GNAQ: variants seen among roughly 807,000 people sequenced by gnomAD.
GNAQ encodes G protein subunit alpha q.
Under a neutral mutation model 43.9 loss-of-function variants are expected in GNAQ, and 8 were observed. That is an observed-to-expected ratio of 0.18 (90% CI 0.11 to 0.33). The LOEUF (loss-of-function observed/expected upper bound fraction) is 0.33, where lower values mean the gene tolerates loss of function less well. Among genes scored for constraint, GNAQ ranks in the 10% least tolerant of loss-of-function variants. GNAQ has a pLI of 1.00. For synonymous variants in GNAQ, 155 were observed against 170.7 expected (o/e 0.91, Z 0.71); for missense variants, 158 against 450.8 (o/e 0.35, Z 5.88).
chr9:77,861,754 A>G (rs894787214), intron 2 of GNAQ, among the ~76,000 whole-genome samples: 1 of 152,028 alleles, frequency 6.6e-6, no homozygotes, highest in African/African-American at 2.4e-5. Flanking sequence ...TATAATCCCC[A>G]CACTTTGGGA....
rs369454028 is a variant in GNAQ, at chr9:77,828,342, G to C, written c.322-12572C>G. 9.0e-4 allele frequency among the ~76,000 whole-genome samples: 137 copies of C among 152,254 alleles called. 1 individual carries two copies. In the South Asian group the frequency reaches 0.018, roughly 20 times the overall value. ...AATTTTAATCAGAAACAATCTGAGT[G>C]TGTTGCCAGTAGACACTGCACAGGA... On this transcript the variant is annotated intron_variant, in intron 2 of 6. Coordinates refer to ENST00000286548, the MANE Select transcript of GNAQ (RefSeq NM_002072.5).
At chr9:77,829,364 A>C (rs1297728974) in intron 2 of GNAQ, among the ~76,000 whole-genome samples, 1 of 152,184 alleles carries the variant, frequency 6.6e-6, no homozygotes, top group Non-Finnish European at 1.5e-5. Flanking sequence ...GCAGCCAAGT[A>C]ATAATTCCTG....
chr9:77,754,663 T>G lies in GNAQ; in HGVS notation c.736-25996A>C, dbSNP rs372089959. On this transcript the variant is annotated intron_variant, in intron 5 of 6. Coordinates refer to ENST00000286548, the MANE Select transcript of GNAQ (RefSeq NM_002072.5). ...CACAGGAGCTGGGGATCAAGAGGAG[T>G]CATTAATAGGAAAGATGGTTCCAAG... Among the ~76,000 whole-genome samples the G allele has an allele frequency of 2.6e-4, 40 of 151,984 alleles. 1 individual carries two copies. Among genetic ancestry groups the G allele is most frequent in the South Asian group, 1.9e-3 (9 of 4,806 alleles).
chr9:77,733,815 A>G (rs544663800), intron 5 of GNAQ, among the ~76,000 whole-genome samples: 1 of 152,300 alleles, frequency 6.6e-6, no homozygotes, highest in South Asian at 2.1e-4. Context: ...GGTGACACAG[A>G]AGGAAAGGTT....
intron 1 of GNAQ, among the ~76,000 whole-genome samples, chr9:78,004,895 A>G (rs4745687): frequency 0.31 from 46,858 of 151,672 alleles, 7,537 homozygotes; most frequent in South Asian, 0.45. Flanking sequence ...TAGTGTCCTC[A>G]TTTGGCTAAA....
At chr9:78,010,688 A>T (rs2118579360) in intron 1 of GNAQ, among the ~76,000 whole-genome samples, 1 of 152,278 alleles carries the variant, frequency 6.6e-6, no homozygotes, top group Admixed American at 6.5e-5. Context: ...AAGAAAAAAA[A>T]TGTAGAAAGA....
chr9:77,884,503 A>T (rs899155917), intron 2 of GNAQ, among the ~76,000 whole-genome samples: 1 of 152,216 alleles, frequency 6.6e-6, no homozygotes, highest in Non-Finnish European at 1.5e-5. Context: ...CAAAAGTGCG[A>T]CTTCCCATAA....
At chr9:77,983,697 C>T (rs1279629650) in intron 1 of GNAQ, among the ~76,000 whole-genome samples, 2 of 152,096 alleles carry the variant, frequency 1.3e-5, no homozygotes, top group African/African-American at 4.8e-5. Context: ...TATGGAAACA[C>T]AGAAAAGTAT....
chr9:77,779,881 A>C (rs1006714526), intron 5 of GNAQ, among the ~76,000 whole-genome samples: 4 of 151,866 alleles, frequency 2.6e-5, no homozygotes, highest in African/African-American at 9.7e-5. Flanking sequence ...TAAAACAGAC[A>C]ATCTGAATAG....
intron 2 of GNAQ, among the ~76,000 whole-genome samples, chr9:77,909,159 C>T (rs2118200945): frequency 6.6e-6 from 1 of 152,238 alleles, no homozygotes; most frequent in South Asian, 2.1e-4. Flanking sequence ...CTGATACACG[C>T]CACCCACAAA....
intron 2 of GNAQ, among the ~76,000 whole-genome samples, chr9:77,826,865 G>A (rs1827206356): frequency 6.6e-6 from 1 of 152,240 alleles, no homozygotes; most frequent in Admixed American, 6.5e-5. Flanking sequence ...AGGAATGATA[G>A]TGAAATGTCC....
At chr9:77,793,373 G>A (rs1397102321) in intron 5 of GNAQ, among the ~76,000 whole-genome samples, 1 of 151,908 alleles carries the variant, frequency 6.6e-6, no homozygotes, top group Non-Finnish European at 1.5e-5. Context: ...GGTGACTCTC[G>A]GTTCTATATA....
intron 2 of GNAQ, among the ~76,000 whole-genome samples, chr9:77,822,342 A>C (rs886281408): frequency 6.6e-6 from 1 of 152,200 alleles, no homozygotes; most frequent in Non-Finnish European, 1.5e-5. Context: ...CCACCCTGGC[A>C]TAATAGGTAA....
intron 1 of GNAQ, among the ~76,000 whole-genome samples, chr9:77,977,617 A>G (rs1271472210): frequency 6.6e-6 from 1 of 152,142 alleles, no homozygotes; most frequent in Non-Finnish European, 1.5e-5. Context: ...GCAGACATGC[A>G]CTCTCCAGAA....
Position 77,717,695 on chromosome 9 carries a change from A to C in GNAQ, c.*3628T>G. ...AAAAAGTAAATTGCCCTTTAGCTGA[A>C]TTACCTTTTTAAAATAGGCCTGCTA... is the stretch of plus-strand genomic sequence containing the variant. On this transcript the variant is annotated 3_prime_UTR_variant, in exon 7 of 7. Coordinates refer to ENST00000286548, the MANE Select transcript of GNAQ (RefSeq NM_002072.5). 1 of 232,236 alleles carries C rather than the reference A, an allele frequency of 4.3e-6. No individual in the cohort carries two copies. Among genetic ancestry groups the C allele is most frequent in the Non-Finnish European group, 8.5e-6 (1 of 117,544 alleles). The allele number at this position is 232,236 out of a possible 1,614,324, so 14.4% of individuals were successfully genotyped here.
intron 6 of GNAQ, among the ~76,000 whole-genome samples, chr9:77,727,732 GT>G (rs1365978062): frequency 2.0e-5 from 3 of 152,182 alleles, no homozygotes. Context: ...TATGAGTTTG[GT>G]CGTAAGGCCC....
At chr9:77,726,027 T>C (rs1825392729) in intron 6 of GNAQ, among the ~76,000 whole-genome samples, 1 of 152,086 alleles carries the variant, frequency 6.6e-6, no homozygotes, top group Non-Finnish European at 1.5e-5. Flanking sequence ...TGTGTGTGTG[T>C]GTGTGGCAGG....
chr9:77,853,831 A>G (rs1264537147), intron 2 of GNAQ, among the ~76,000 whole-genome samples: 2 of 151,848 alleles, frequency 1.3e-5, no homozygotes, highest in East Asian at 3.8e-4. Context: ...AGGAAAAAAA[A>G]GCAATTACCT....
rs35071779 is a variant in GNAQ, at chr9:78,030,887, C to CTGTGTG, written c.136+207_136+212dup. ...ACCCCTGTGCTGCGTGTGTGTGTCG[C>CTGTGTG]TGTGTGTGTGTGTGTGTGTGTGTGT... is the stretch of plus-strand genomic sequence containing the variant. On this transcript the variant is annotated intron_variant, in intron 1 of 6. Transcript: ENST00000286548. Among the ~76,000 whole-genome samples, 4,475 of 146,124 alleles carry CTGTGTG rather than the reference C, an allele frequency of 0.031. 67 individuals carry two copies. Among genetic ancestry groups the CTGTGTG allele is most frequent in the African/African-American group, 0.046 (1,789 of 38,856 alleles).
Sources: gnomAD v4.1 joint callset for allele counts (sites outside exome capture counted in the v4.1 genomes callset) on GRCh38, gnomAD v4.1.1 for gene constraint, MANE v1.5 for transcripts, NCBI Gene and HGNC (gene_info 2026-07-23, HGNC 2026-07-21) for gene names.